COL14A1: variants seen among roughly 807,000 people sequenced by gnomAD.
COL14A1 encodes collagen alpha-1(XIV) chain.
COL14A1 carries 136 observed loss-of-function variants against 230.3 expected under a neutral mutation model. The observed-to-expected ratio is 0.59, with a 90% CI of 0.51 to 0.68. The LOEUF (loss-of-function observed/expected upper bound fraction) is 0.68, where lower values mean the gene tolerates loss of function less well. Among genes scored for constraint, COL14A1 ranks in the 30% least tolerant of loss-of-function variants. The pLI is 0.00. For missense variants in COL14A1, 1,976 were observed against 2,215.8 expected (o/e 0.89, Z 2.17); for synonymous variants, 792 against 784.1 (o/e 1.01, Z -0.17).
chr8:120,315,683 T>G, intron 39 of COL14A1, 97 bp downstream of exon 39: 3 of 1,067,586 alleles, frequency 2.8e-6, no homozygotes, highest in Non-Finnish European at 4.2e-6. Flanking sequence ...GTGATCTTGG[T>G]AAGTGTTTTC....
At chr8:120,318,661 T>C (rs115963523) in intron 40 of COL14A1, among the ~76,000 whole-genome samples, 250 of 152,272 alleles carry the variant, frequency 1.6e-3, no homozygotes, top group African/African-American at 5.4e-3. Context: ...GAGGAGGTGC[T>C]GTTTATAGAG....
At chr8:120,136,951 G>A (rs1438853030) in intron 1 of COL14A1, among the ~76,000 whole-genome samples, 1 of 103,640 alleles carries the variant, frequency 9.6e-6, no homozygotes, top group Admixed American at 1.2e-4. Flanking sequence ...GACAGTGAGA[G>A]TCTGTCTCAA....
chr8:120,330,455 A>G (rs916880842), intron 40 of COL14A1, among the ~76,000 whole-genome samples: 1 of 152,190 alleles, frequency 6.6e-6, no homozygotes, highest in African/African-American at 2.4e-5. Context: ...GCAAAAGAGG[A>G]GGAAAGTGAC....
Position 120,249,093 on chromosome 8 carries a change from A to ATTTC in COL14A1, c.2602+1361_2602+1362insCTTT, listed in dbSNP as rs1554614575. Among the ~76,000 whole-genome samples the ATTTC allele has an allele frequency of 1.5e-4, 19 of 127,882 alleles. No homozygotes were observed. In the East Asian group the frequency reaches 4.2e-3, roughly 28 times the overall value. 83.9% of individuals were successfully genotyped at this position (127,882 alleles called of 152,430 possible). ...AGGCGCCCGCCACCACGCCCGGCTA[A>ATTTC]TTTTTTTTTTTTTTTTTTAGTAGAG... On this transcript the variant is annotated intron_variant, in intron 21 of 47. Coordinates refer to ENST00000297848, the MANE Select transcript of COL14A1 (RefSeq NM_021110.4).
intron 34 of COL14A1, among the ~76,000 whole-genome samples, chr8:120,290,510 C>A (rs1448751830): frequency 6.6e-6 from 1 of 151,948 alleles, no homozygotes; most frequent in African/African-American, 2.4e-5. Context: ...TTCTTGTAAA[C>A]AATCCCAACT....
chr8:120,222,479 T>C (rs1329378577), intron 14 of COL14A1, among the ~76,000 whole-genome samples: 1 of 152,134 alleles, frequency 6.6e-6, no homozygotes, highest in African/African-American at 2.4e-5. Flanking sequence ...GACCAGAACT[T>C]CTAGGATGAC....
At chr8:120,329,200 A>G (rs1821787933) in intron 40 of COL14A1, among the ~76,000 whole-genome samples, 1 of 152,258 alleles carries the variant, frequency 6.6e-6, no homozygotes, top group Non-Finnish European at 1.5e-5. Context: ...AGGTTTTCTC[A>G]CTAGTAATAT....
intron 19 of COL14A1, among the ~76,000 whole-genome samples, chr8:120,236,552 T>A (rs1052378625): frequency 1.3e-5 from 2 of 152,078 alleles, no homozygotes; most frequent in African/African-American, 4.8e-5. Context: ...AGCACACCAG[T>A]GGGTCTTGAC....
At chr8:120,357,004 T>C (rs1362594512) in intron 45 of COL14A1, among the ~76,000 whole-genome samples, 1 of 151,960 alleles carries the variant, frequency 6.6e-6, no homozygotes, top group African/African-American at 2.4e-5. Flanking sequence ...TTGATTTTTT[T>C]TATTACAAAG....
intron 45 of COL14A1, among the ~76,000 whole-genome samples, chr8:120,360,129 G>GT (rs557254668): frequency 1.8e-4 from 27 of 152,270 alleles, no homozygotes; most frequent in African/African-American, 6.3e-4. Flanking sequence ...GATTCAACCT[G>GT]TTTTCCTCTG....
intron 26 of COL14A1, among the ~76,000 whole-genome samples, chr8:120,275,637 A>G (rs1819815126): frequency 6.6e-6 from 1 of 152,120 alleles, no homozygotes; most frequent in African/African-American, 2.4e-5. Context: ...ATCAGCAAGA[A>G]AAAAACAAAT....
At chr8:120,335,823 G>A (rs1354513642) in intron 42 of COL14A1, among the ~76,000 whole-genome samples, 3 of 152,196 alleles carry the variant, frequency 2.0e-5, no homozygotes, top group Non-Finnish European at 4.4e-5. Flanking sequence ...AGTTGTTAGA[G>A]AGTGATAAAG....
At chr8:120,365,316 G>A (rs1222556273) in intron 45 of COL14A1, among the ~76,000 whole-genome samples, 5 of 152,170 alleles carry the variant, frequency 3.3e-5, no homozygotes, top group African/African-American at 4.8e-5. Context: ...CCGTGAGGTC[G>A]TGAGAGGCCA....
At chr8:120,128,226 C>CGT (rs1191519762) in intron 1 of COL14A1, among the ~76,000 whole-genome samples, 14 of 100,582 alleles carry the variant, frequency 1.4e-4, no homozygotes, top group East Asian at 3.5e-4. Flanking sequence ...TGTGTGCGCG[C>CGT]GCGTGTGTGT....
chr8:120,315,513 G>C lies in COL14A1; in HGVS notation c.4552-20G>C. 1 of 1,605,250 alleles carries C rather than the reference G, an allele frequency of 6.2e-7. No individual in the cohort carries two copies. Among genetic ancestry groups the C allele is most frequent in the Non-Finnish European group, 8.5e-7 (1 of 1,172,374 alleles). On this transcript the variant is annotated intron_variant, in intron 38 of 47. Transcript: ENST00000297848. ...AATTTACCTATGTGAACTTAACTCT[G>C]TATACTTTTGGATATTCAGGGAATG...
intron 11 of COL14A1, among the ~76,000 whole-genome samples, chr8:120,209,506 A>C (rs1817554782): frequency 6.6e-6 from 1 of 152,220 alleles, no homozygotes; most frequent in African/African-American, 2.4e-5. Context: ...AAATGTCAGC[A>C]AAGTCCTGAA....
rs1229905450 is a variant in COL14A1 at position 120,191,617 on chromosome 8, G to A, written c.437-5174G>A. Among the ~76,000 whole-genome samples, 717 of 151,898 alleles carry A rather than the reference G, an allele frequency of 4.7e-3. 8 individuals carry two copies. Among genetic ancestry groups the A allele is most frequent in the Non-Finnish European group, 4.3e-3 (295 of 67,956 alleles). ...GGTATCCTTGTGAACTTTCTGTCTC[G>A]TTGATCTGTCTAATGTTGACAGTGG... On this transcript the variant is annotated intron_variant, in intron 5 of 47. Transcript: ENST00000297848.
intron 22 of COL14A1, among the ~76,000 whole-genome samples, chr8:120,254,399 CAA>C (rs1012714112): frequency 2.0e-5 from 3 of 151,950 alleles, no homozygotes; most frequent in African/African-American, 7.3e-5. Context: ...TTTAAATTTT[CAA>C]AAGTGTTTAT....
At chr8:120,201,683 T>G (rs774039445) in intron 8 of COL14A1, among the ~76,000 whole-genome samples, 8 of 152,150 alleles carry the variant, frequency 5.3e-5, no homozygotes, top group Non-Finnish European at 1.0e-4. Flanking sequence ...AAAAAAAACT[T>G]TAGACCCTGT....
Sources: allele counts gnomAD v4.1 joint callset (sites outside exome capture counted in the v4.1 genomes callset), GRCh38; gene constraint gnomAD v4.1.1; transcripts MANE v1.5; gene names NCBI Gene and HGNC (gene_info 2026-07-23, HGNC 2026-07-21).